SYNPO2: variants seen among roughly 807,000 people sequenced by gnomAD.
SYNPO2 encodes synaptopodin-2.
A neutral mutation model predicts 85.0 loss-of-function variants in SYNPO2; 56 were observed. That is an observed-to-expected ratio of 0.66 (90% CI 0.53 to 0.82). The LOEUF (loss-of-function observed/expected upper bound fraction) is 0.82, where lower values mean the gene tolerates loss of function less well. SYNPO2 is among the 40% of genes least tolerant of loss of function. The pLI is 0.00. For missense variants in SYNPO2, 1,575 were observed against 1,534.2 expected (o/e 1.03, Z -0.44); for synonymous variants, 602 against 591.1 (o/e 1.02, Z -0.27).
intron 1 of SYNPO2, among the ~76,000 whole-genome samples, chr4:118,882,592 A>T (rs570818918): frequency 1.3e-5 from 2 of 152,194 alleles, no homozygotes; most frequent in East Asian, 3.9e-4. Flanking sequence ...ATCCTAAAAT[A>T]TGTGCTCTCT....
At chr4:119,036,278 G>C (rs978642466) in intron 4 of SYNPO2, 5 of 985,280 alleles carry the variant, frequency 5.1e-6, no homozygotes, top group Non-Finnish European at 6.0e-6. Flanking sequence ...TTAAAATCAG[G>C]GTTGTTGAGT....
intron 1 of SYNPO2, among the ~76,000 whole-genome samples, chr4:118,869,924 C>A (rs1731773788): frequency 6.6e-6 from 1 of 152,146 alleles, no homozygotes; most frequent in South Asian, 2.1e-4. Context: ...AATGAGAAAC[C>A]ATTCTGAGTC....
At chr4:119,032,457 T>C (rs1738319639) in intron 4 of SYNPO2, 1 of 1,050,598 alleles carries the variant, frequency 9.5e-7, no homozygotes, top group Non-Finnish European at 1.1e-6. Context: ...TAACCTATAT[T>C]GACTGAGATT....
chr4:118,902,453 G>C (rs888053093), intron 1 of SYNPO2, among the ~76,000 whole-genome samples: 1 of 152,088 alleles, frequency 6.6e-6, no homozygotes, highest in Non-Finnish European at 1.5e-5. Flanking sequence ...CAAGCAAAAG[G>C]GGTTTCCCCT....
intron 4 of SYNPO2, among the ~76,000 whole-genome samples, chr4:119,046,758 C>A (rs1157401801): frequency 1.3e-5 from 2 of 152,188 alleles, no homozygotes. Context: ...GCGTGGATAA[C>A]AAAAGACAAA....
intron 1 of SYNPO2, among the ~76,000 whole-genome samples, chr4:118,993,170 C>A (rs917515143): frequency 5.6e-5 from 8 of 143,390 alleles, no homozygotes; most frequent in African/African-American, 1.0e-4. Context: ...TTCTGATTTT[C>A]GGAATTAATT....
chr4:119,043,062 T>TTGG (rs1199121651), intron 4 of SYNPO2: 2 of 112,124 alleles, frequency 1.8e-5, no homozygotes, highest in African/African-American at 6.7e-5. Context: ...TGGTTGGTTG[T>TTGG]TTTTTTTCTT....
At chr4:118,900,547 A>G (rs1732689420) in intron 1 of SYNPO2, among the ~76,000 whole-genome samples, 2 of 151,910 alleles carry the variant, frequency 1.3e-5, no homozygotes, top group Admixed American at 1.3e-4. Context: ...AAAATTAATC[A>G]TGACCTCCTG....
intron 1 of SYNPO2, among the ~76,000 whole-genome samples, chr4:118,897,029 C>T (rs1732571933): frequency 6.6e-6 from 1 of 151,902 alleles, no homozygotes; most frequent in Non-Finnish European, 1.5e-5. Flanking sequence ...AGTTCATTTT[C>T]ACACTGCTAC....
In SYNPO2 at chr4:119,026,607, A is replaced by C; in HGVS notation, c.258-20A>C. 1 of 1,561,760 alleles carries C rather than the reference A, an allele frequency of 6.4e-7. No homozygotes were observed. Among genetic ancestry groups the C allele is most frequent in the Non-Finnish European group, 8.6e-7 (1 of 1,156,230 alleles). On this transcript the variant is annotated intron_variant, in intron 2 of 4. Coordinates refer to ENST00000307142, the MANE Select transcript of SYNPO2 (RefSeq NM_133477.3). ...AACATAGTCTGATTTAAGTGTCTGG[A>C]ATGATTTTTCTGTGTGCAGACCATC...
intron 1 of SYNPO2, among the ~76,000 whole-genome samples, chr4:118,981,612 AG>A (rs1736009881): frequency 6.6e-6 from 1 of 152,280 alleles, no homozygotes; most frequent in Non-Finnish European, 1.5e-5. Context: ...AGTTCTGATT[AG>A]GGGGTTGCCC....
intron 1 of SYNPO2, among the ~76,000 whole-genome samples, chr4:118,922,777 G>A (rs924694874): frequency 1.5e-4 from 22 of 151,412 alleles, no homozygotes; most frequent in African/African-American, 5.1e-4. Context: ...ACTTAGTGTT[G>A]TCTTAAATTT....
At chr4:119,033,167 G>A (rs944530215) in intron 4 of SYNPO2, 5 of 985,296 alleles carry the variant, frequency 5.1e-6, no homozygotes, top group East Asian at 1.1e-4. Context: ...TGTGAAGCAC[G>A]AGGAACCCCA....
chr4:119,057,842 A>G lies in SYNPO2; in HGVS notation c.3694A>G (p.Ile1232Val), dbSNP rs766420554. ...YRQASRNDSA[I>V]MSMETRSDYC... is the part of the protein sequence containing the mutation. ...GCAGGCTTCAAGAAATGATTCTGCA[A>G]TCATGTCCATGGAAACCAGGTCTGA... is the stretch of plus-strand genomic sequence containing the variant. The change falls in exon 5 of 5, where the codon ATC (isoleucine) becomes GTC (valine). Residue 1232 changes from isoleucine (I) to valine (V), a missense_variant. Ile to Val is a conservative substitution (Grantham distance 29). This residue lies in a region of SYNPO2 where 1,508 missense variants were observed against 1,446.8 expected (regional missense o/e 1.04). Coordinates refer to ENST00000307142, the MANE Select transcript of SYNPO2 (RefSeq NM_133477.3). 6.2e-7 allele frequency: 1 copy of G among 1,614,144 alleles called. No homozygotes were observed. Among genetic ancestry groups the G allele is most frequent in the Non-Finnish European group, 8.5e-7 (1 of 1,180,028 alleles).
intron 1 of SYNPO2, among the ~76,000 whole-genome samples, chr4:118,943,462 G>C (rs1734389996): frequency 6.6e-6 from 1 of 152,192 alleles, no homozygotes; most frequent in Admixed American, 6.5e-5. Context: ...ATTAACATAA[G>C]TGATGTGGGG....
intron 1 of SYNPO2, among the ~76,000 whole-genome samples, chr4:118,862,805 C>CTT (rs113851654): frequency 6.8e-6 from 1 of 147,968 alleles, no homozygotes; most frequent in African/African-American, 2.5e-5. Context: ...TTCTTTCTTT[C>CTT]TTTTTTTTTT....
At chr4:118,941,187 G>C (rs778361368) in intron 1 of SYNPO2, among the ~76,000 whole-genome samples, 14 of 152,138 alleles carry the variant, frequency 9.2e-5, no homozygotes, top group Admixed American at 3.9e-4. Flanking sequence ...GACAAATCTA[G>C]TCAGGTTTTT....
In SYNPO2 at chr4:118,889,982, C is replaced by A. The variant is rs148732965; in HGVS notation, c.105+841C>A. 3.8e-3 allele frequency among the ~76,000 whole-genome samples: 571 copies of A among 152,146 alleles called. 6 individuals are homozygous for A. The highest frequency in any genetic ancestry group is 0.013 in the African/African-American group (545 of 41,508). On this transcript the variant is annotated intron_variant, in intron 1 of 4. Coordinates refer to ENST00000307142, the MANE Select transcript of SYNPO2 (RefSeq NM_133477.3). ...TTTACCTAACCTTATCATCAAATTG[C>A]AAATTATAGTATTGTATTGAAGAAC...
chr4:118,926,087 A>G lies in SYNPO2; in HGVS notation c.105+36946A>G, dbSNP rs565546573. On this transcript the variant is annotated intron_variant, in intron 1 of 4. Transcript: ENST00000307142. ...ATGGTTGCAGGAGATGGAGCATGCC[A>G]ATTTGCAGTGACAAAGGTGTAGCAT... Among the ~76,000 whole-genome samples, 218 of 152,238 alleles carry G rather than the reference A, an allele frequency of 1.4e-3. 1 individual carries two copies. The highest frequency in any genetic ancestry group is 5.0e-3 in the African/African-American group (209 of 41,544).
Sources: allele counts gnomAD v4.1 joint callset (sites outside exome capture counted in the v4.1 genomes callset), GRCh38; gene constraint gnomAD v4.1.1; regional missense constraint gnomAD v4.1.1; transcripts MANE v1.5; gene names NCBI Gene and HGNC (gene_info 2026-07-23, HGNC 2026-07-21).